Variants in PTPN4 observed in about 807,000 individuals in gnomAD.
PTPN4 encodes tyrosine-protein phosphatase non-receptor type 4.
A neutral mutation model predicts 135.5 loss-of-function variants in PTPN4; 49 were observed. That is an observed-to-expected ratio of 0.36 (90% CI 0.29 to 0.46). The LOEUF is 0.46. Ranked by LOEUF, PTPN4 falls within the 20% of genes least tolerant of loss-of-function variation. The pLI is 1.00. For synonymous variants in PTPN4, 333 were observed against 369.9 expected (o/e 0.90, Z 1.14); for missense variants, 860 against 1,101.0 (o/e 0.78, Z 3.10).
intron 2 of PTPN4, among the ~76,000 whole-genome samples, chr2:119,836,474 G>A (rs970187805): frequency 6.6e-6 from 1 of 152,248 alleles, no homozygotes; most frequent in Non-Finnish European, 1.5e-5. Flanking sequence ...CCTGTCTGGA[G>A]CGGCCGCTGC....
rs1197659087 is a variant in PTPN4, at chr2:119,935,685, G to A, written c.1355+727G>A. ...TGGGGAATTAGTTGGCAAGAAATAG[G>A]ATTGATGGGAGATTTAATATTTTAT... On this transcript the variant is annotated intron_variant, in intron 15 of 26. Coordinates refer to ENST00000263708, the MANE Select transcript of PTPN4 (RefSeq NM_002830.4). Among the ~76,000 whole-genome samples, 3 of 152,152 alleles carry A rather than the reference G, an allele frequency of 2.0e-5. No homozygotes were observed. The East Asian group carries it at 5.8e-4, about 29-fold the overall frequency.
chr2:119,808,027 C>T (rs6499360), intron 1 of PTPN4, among the ~76,000 whole-genome samples: 1 of 152,178 alleles, frequency 6.6e-6, no homozygotes, highest in East Asian at 1.9e-4. Context: ...ATTCAACAGC[C>T]TTTCATGCTA....
At chr2:119,931,231 C>T (rs1041387154) in intron 13 of PTPN4, among the ~76,000 whole-genome samples, 8 of 151,954 alleles carry the variant, frequency 5.3e-5, no homozygotes, top group African/African-American at 1.9e-4. Flanking sequence ...TATTCGCCTC[C>T]ACATTAACTC....
At chr2:119,777,222 C>T (rs1165768342) in intron 1 of PTPN4, among the ~76,000 whole-genome samples, 1 of 152,094 alleles carries the variant, frequency 6.6e-6, no homozygotes, top group Non-Finnish European at 1.5e-5. Context: ...CTGCCTTGAA[C>T]ACCCACCTTT....
In PTPN4 at chr2:119,915,186, A is replaced by T; in HGVS notation, c.772A>T (p.Ile258Phe). 6.5e-7 allele frequency: 1 copy of T among 1,542,878 alleles called. No individual in the cohort carries two copies. The highest frequency in any genetic ancestry group is 1.2e-5 in the South Asian group (1 of 80,714). Reference sequence around the variant, plus strand: ...TTATTGTCTTTTGTCCAGGTTGAAGATTGTAAAAATTTCTTTTAAGTGCAA... The same window carrying T: ...TTATTGTCTTTTGTCCAGGTTGAAGTTTGTAAAAATTTCTTTTAAGTGCAA... ...VRMNTFPWLK[I>F]VKISFKCKQF... The change falls in exon 11 of 27, where the codon ATT (isoleucine) becomes TTT (phenylalanine). Residue 258 changes from isoleucine to phenylalanine, a missense_variant. Physicochemically the swap from Ile to Phe is conservative, Grantham distance 21. Around this residue, in one of 2 missense-constraint regions of PTPN4, gnomAD observed 684 missense variants for 807.0 expected, o/e 0.85. Coordinates refer to ENST00000263708, the MANE Select transcript of PTPN4 (RefSeq NM_002830.4).
chr2:119,783,596 A>G (rs1449377776), intron 1 of PTPN4, among the ~76,000 whole-genome samples: 1 of 152,258 alleles, frequency 6.6e-6, no homozygotes, highest in Non-Finnish European at 1.5e-5. Flanking sequence ...ATGAAGAAAT[A>G]GAAATCATTA....
rs936572266 is a variant in PTPN4 at position 119,980,834 on chromosome 2, A to G, written c.*3764A>G. On this transcript the variant is annotated 3_prime_UTR_variant, in exon 27 of 27. Coordinates refer to ENST00000263708, the MANE Select transcript of PTPN4 (RefSeq NM_002830.4). ...CTGATAACACATGCAGTATGAAAAC[A>G]TTATAGACTGCAGTTAGAAGACTAA... 6.6e-6 allele frequency: 1 copy of G among 152,084 alleles called. No homozygotes were observed. The highest frequency in any genetic ancestry group is 1.5e-5 in the Non-Finnish European group (1 of 67,944). The allele number at this position is 152,084 out of a possible 1,614,324, so 9.4% of individuals were successfully genotyped here. A position where few individuals can be genotyped will look rare whatever the true frequency, so the allele number is the denominator to read the frequency against.
intron 1 of PTPN4, among the ~76,000 whole-genome samples, chr2:119,781,009 G>A (rs141796055): frequency 0.012 from 1,794 of 152,078 alleles, 17 homozygotes; most frequent in Non-Finnish European, 0.017. Flanking sequence ...CATCACTCTG[G>A]ACTTATGGAT....
chr2:119,936,178 A>G (rs1678980032), intron 15 of PTPN4, among the ~76,000 whole-genome samples: 1 of 152,082 alleles, frequency 6.6e-6, no homozygotes, highest in South Asian at 2.1e-4. Flanking sequence ...AATTTTGTGT[A>G]TCTTTAGTAG....
intron 1 of PTPN4, among the ~76,000 whole-genome samples, chr2:119,806,851 A>G (rs1691479373): frequency 1.3e-5 from 2 of 152,218 alleles, no homozygotes; most frequent in South Asian, 4.1e-4. Flanking sequence ...CAGCAAATGT[A>G]AAAGAACAGA....
chr2:119,834,279 A>G (rs1403835805), intron 2 of PTPN4, among the ~76,000 whole-genome samples: 1 of 151,892 alleles, frequency 6.6e-6, no homozygotes, highest in African/African-American at 2.4e-5. Flanking sequence ...CCATCAGACA[A>G]CCTCTCATCA....
At chr2:119,778,230 T>C (rs1690874388) in intron 1 of PTPN4, among the ~76,000 whole-genome samples, 1 of 152,138 alleles carries the variant, frequency 6.6e-6, no homozygotes, top group African/African-American at 2.4e-5. Flanking sequence ...GACAGAAATT[T>C]AGAAAATGGA....
At chr2:119,794,150 AT>A (rs905640897) in intron 1 of PTPN4, among the ~76,000 whole-genome samples, 16 of 151,134 alleles carry the variant, frequency 1.1e-4, no homozygotes, top group African/African-American at 3.9e-4. Context: ...ACCTGGCCAG[AT>A]TTTTTTTTAA....
chr2:119,879,701 G>C (rs1331723693), intron 5 of PTPN4, among the ~76,000 whole-genome samples: 1 of 152,116 alleles, frequency 6.6e-6, no homozygotes, highest in Non-Finnish European at 1.5e-5. Flanking sequence ...TTAATGTGAT[G>C]GTTATGATTA....
At chr2:119,786,739 A>ACCCAC (rs1049803765) in intron 1 of PTPN4, among the ~76,000 whole-genome samples, 1 of 152,152 alleles carries the variant, frequency 6.6e-6, no homozygotes, top group Non-Finnish European at 1.5e-5. Flanking sequence ...ACTAAGGTCT[A>ACCCAC]CCCACATTAA....
At chr2:119,853,187 AC>A (rs1343726811) in intron 2 of PTPN4, among the ~76,000 whole-genome samples, 1 of 152,106 alleles carries the variant, frequency 6.6e-6, no homozygotes, top group South Asian at 2.1e-4. Flanking sequence ...TTTCTTTTTT[AC>A]ATCTTTGCTG....
At chr2:119,846,201 A>G (rs1157609782) in intron 2 of PTPN4, among the ~76,000 whole-genome samples, 1 of 152,190 alleles carries the variant, frequency 6.6e-6, no homozygotes, top group South Asian at 2.1e-4. Context: ...CCTGTCAGTC[A>G]GGTCTCGTTA....
intron 15 of PTPN4, among the ~76,000 whole-genome samples, chr2:119,938,919 A>G (rs1254320396): frequency 1.3e-5 from 2 of 152,198 alleles, no homozygotes; most frequent in Non-Finnish European, 2.9e-5. Flanking sequence ...TTTTAGATGC[A>G]ACTATATATC....
intron 3 of PTPN4, among the ~76,000 whole-genome samples, chr2:119,871,474 G>A (rs376644544): frequency 1.3e-5 from 2 of 152,098 alleles, no homozygotes; most frequent in African/African-American, 4.8e-5. Context: ...GGCTGAGGCA[G>A]GAGAACCACT....
Sources: allele counts gnomAD v4.1 joint callset (sites outside exome capture counted in the v4.1 genomes callset), GRCh38; gene constraint gnomAD v4.1.1; regional missense constraint gnomAD v4.1.1; transcripts MANE v1.5; gene names NCBI Gene and HGNC (gene_info 2026-07-23, HGNC 2026-07-21).